ANKS1B: variants seen among roughly 807,000 people sequenced by gnomAD.
ANKS1B encodes ankyrin repeat and sterile alpha motif domain-containing protein 1B.
In ANKS1B, 36 loss-of-function variants were observed where a neutral mutation model predicts 148.3. That is an observed-to-expected ratio of 0.24 (90% CI 0.19 to 0.32). The LOEUF (loss-of-function observed/expected upper bound fraction) is 0.32. Among genes scored for constraint, ANKS1B ranks in the 10% least tolerant of loss-of-function variants. The probability of loss-of-function intolerance (pLI) is 1.00; values close to 1 mark genes in which losing one functional copy is unlikely to be tolerated. For missense variants in ANKS1B, 1,157 were observed against 1,542.6 expected, an observed-to-expected ratio of 0.75 and a Z score of 4.19; for synonymous variants, 542 against 560.8, an observed-to-expected ratio of 0.97 and a Z score of 0.47.
intron 9 of ANKS1B, among the ~76,000 whole-genome samples, chr12:99,512,603 T>C (rs2096777685): frequency 6.6e-6 from 1 of 152,094 alleles, no homozygotes; most frequent in African/African-American, 2.4e-5. Context: ...CATGCACATA[T>C]AAGTTCATTA....
chr12:98,913,435 C>A (rs543627520), intron 17 of ANKS1B, among the ~76,000 whole-genome samples: 1 of 152,276 alleles, frequency 6.6e-6, no homozygotes, highest in African/African-American at 2.4e-5. Context: ...AATGTTGGAT[C>A]CTCCAAGGTG....
chr12:99,223,985 G>A (rs1195702085), intron 14 of ANKS1B, among the ~76,000 whole-genome samples: 1 of 152,020 alleles, frequency 6.6e-6, no homozygotes, highest in Non-Finnish European at 1.5e-5. Context: ...GGAAAACTCT[G>A]CTGTATTAAT....
intron 14 of ANKS1B, among the ~76,000 whole-genome samples, chr12:99,228,859 A>T (rs754521754): frequency 6.6e-6 from 1 of 151,996 alleles, no homozygotes. Flanking sequence ...AGGAAATTTT[A>T]CCTTATTTTC....
chr12:99,032,806 TG>T (rs2099953084), intron 17 of ANKS1B, among the ~76,000 whole-genome samples: 1 of 152,240 alleles, frequency 6.6e-6, no homozygotes, highest in African/African-American at 2.4e-5. Context: ...AGTTTTGTGT[TG>T]CATCAGAATT....
intron 12 of ANKS1B, among the ~76,000 whole-genome samples, chr12:99,312,280 G>A (rs1362359284): frequency 1.3e-5 from 2 of 152,074 alleles, no homozygotes; most frequent in African/African-American, 2.4e-5. Flanking sequence ...CAACATTTAC[G>A]GACTTATAAG....
At chr12:98,948,947 C>CTTTTTCTTTT (rs2099849758) in intron 17 of ANKS1B, among the ~76,000 whole-genome samples, 1 of 84,866 alleles carries the variant, frequency 1.2e-5, no homozygotes, top group African/African-American at 6.8e-5. Context: ...GCATGAGCTA[C>CTTTTTCTTTT]TTTTTTTTTT....
intron 24 of ANKS1B, 35 bp from the exon 25 acceptor site, chr12:98,773,214 T>C: frequency 6.4e-7 from 1 of 1,572,552 alleles, no homozygotes; most frequent in Non-Finnish European, 8.6e-7. Flanking sequence ...ATTGTTTTCC[T>C]CTGCGAACCA....
chr12:99,892,784 T>C (rs1409744755), intron 1 of ANKS1B, among the ~76,000 whole-genome samples: 1 of 152,236 alleles, frequency 6.6e-6, no homozygotes, highest in African/African-American at 2.4e-5. Context: ...TTCTCTGCGA[T>C]GAAGAATCCA....
At chr12:99,909,711 T>A (rs986816311) in intron 1 of ANKS1B, among the ~76,000 whole-genome samples, 3 of 152,230 alleles carry the variant, frequency 2.0e-5, no homozygotes, top group Non-Finnish European at 2.9e-5. Flanking sequence ...TTGCTTTGCC[T>A]ATTTGGGGTC....
chr12:99,101,443 G>C (rs773411957), intron 15 of ANKS1B, among the ~76,000 whole-genome samples: 1 of 152,238 alleles, frequency 6.6e-6, no homozygotes, highest in Non-Finnish European at 1.5e-5. Flanking sequence ...ATTAAATATA[G>C]GTATTGGTAG....
At chr12:99,267,030 G>A (rs947878377) in intron 12 of ANKS1B, among the ~76,000 whole-genome samples, 1 of 152,162 alleles carries the variant, frequency 6.6e-6, no homozygotes, top group African/African-American at 2.4e-5. Context: ...AGTATCATAA[G>A]AGTATTTGGA....
intron 10 of ANKS1B, among the ~76,000 whole-genome samples, chr12:99,503,525 T>TA (rs1357633770): frequency 3.3e-5 from 5 of 152,138 alleles, no homozygotes. Context: ...CCTCTAAACT[T>TA]GATCAAGTCT....
At chr12:99,079,057 C>T (rs181289082) in intron 16 of ANKS1B, among the ~76,000 whole-genome samples, 78 of 152,228 alleles carry the variant, frequency 5.1e-4, no homozygotes, top group Non-Finnish European at 9.6e-4. Flanking sequence ...TCCGAAAATC[C>T]CTAAGAGCCT....
intron 8 of ANKS1B, among the ~76,000 whole-genome samples, chr12:99,758,395 C>G (rs1224355027): frequency 1.3e-5 from 2 of 151,774 alleles, no homozygotes; most frequent in Non-Finnish European, 2.9e-5. Flanking sequence ...ATAAATGATT[C>G]AACAAATAAA....
intron 1 of ANKS1B, among the ~76,000 whole-genome samples, chr12:99,920,104 CAA>C (rs1467776459): frequency 1.3e-5 from 2 of 152,108 alleles, no homozygotes; most frequent in African/African-American, 2.4e-5. Flanking sequence ...CATTCTTTAG[CAA>C]AGACTTAGCA....
intron 9 of ANKS1B, among the ~76,000 whole-genome samples, chr12:98,736,754 G>A (rs2097775362): frequency 6.6e-6 from 1 of 152,168 alleles, no homozygotes; most frequent in Non-Finnish European, 1.5e-5. Context: ...CAGAGACTAA[G>A]AGTTGCAAAT....
At chr12:99,117,888 C>T (rs1016367388) in intron 15 of ANKS1B, among the ~76,000 whole-genome samples, 3 of 152,268 alleles carry the variant, frequency 2.0e-5, no homozygotes, top group Non-Finnish European at 4.4e-5. Flanking sequence ...TGTTATTGGT[C>T]TATTCAGGGA....
At chr12:98,969,680 CCTT>C (rs1231726357) in intron 17 of ANKS1B, among the ~76,000 whole-genome samples, 2 of 152,006 alleles carry the variant, frequency 1.3e-5, no homozygotes, top group Admixed American at 6.6e-5. Context: ...GTCTAGTAAA[CCTT>C]CTGGGGCTGT....
At chr12:99,030,317 G>T (rs77112472) in intron 17 of ANKS1B, among the ~76,000 whole-genome samples, 1 of 152,092 alleles carries the variant, frequency 6.6e-6, no homozygotes, top group South Asian at 2.1e-4. Context: ...TGGTGGGGGC[G>T]ACTGGTGCTT....
Sources: gnomAD v4.1 joint callset for allele counts (sites outside exome capture counted in the v4.1 genomes callset) on GRCh38, gnomAD v4.1.1 for gene constraint, MANE v1.5 for transcripts, NCBI Gene and HGNC (gene_info 2026-07-23, HGNC 2026-07-21) for gene names.